Variants in DYNC2H1 observed in about 807,000 individuals in gnomAD.
DYNC2H1 encodes dynein cytoplasmic 2 heavy chain 1.
In DYNC2H1, 410 loss-of-function variants were observed where a neutral mutation model predicts 570.0. That is an observed-to-expected ratio of 0.72 (90% CI 0.66 to 0.78). DYNC2H1 has a LOEUF of 0.78. Ranked by LOEUF, DYNC2H1 falls within the 30% of genes least tolerant of loss-of-function variation. The pLI is 0.00. For missense variants in DYNC2H1, 4,865 were observed against 5,046.4 expected (o/e 0.96, Z 1.09); for synonymous variants, 1,688 against 1,677.6 (o/e 1.01, Z -0.15).
rs781599412 is a variant in DYNC2H1, at chr11:103,236,411, A to AAT, written c.9710-16_9710-15dup. 1 of 1,342,004 alleles carries AAT rather than the reference A, an allele frequency of 7.5e-7. No individual in the cohort carries two copies. Among genetic ancestry groups the AAT allele is most frequent in the Non-Finnish European group, 1.1e-6 (1 of 932,790 alleles). The allele number at this position is 1,342,004 out of a possible 1,614,324, so 83.1% of individuals were successfully genotyped here. On this transcript the variant is annotated intron_variant, in intron 62 of 88. Coordinates refer to ENST00000375735, the MANE Select transcript of DYNC2H1 (RefSeq NM_001377.3). ...TACAAGATCGTTGTGAAGTATTATC[A>AAT]ATATCTTCAACTTTTCAGAATTTGA...
Position 103,479,161 on chromosome 11 carries a change from G to T in DYNC2H1, c.12832G>T (p.Asp4278Tyr). The T allele has an allele frequency of 6.2e-7, 1 of 1,613,814 alleles. No individual in the cohort carries two copies. Residue 4278 changes from aspartate to tyrosine, a missense_variant, in exon 89 of 89, where the codon GAT (aspartate) becomes TAT (tyrosine). Physicochemically the swap from Asp to Tyr is radical, Grantham distance 160. Around this residue, in one of 5 missense-constraint regions of DYNC2H1, gnomAD observed 2,401 missense variants for 2,454.6 expected, o/e 0.98. Coordinates refer to ENST00000375735, the MANE Select transcript of DYNC2H1 (RefSeq NM_001377.3). ...GCCTGTTTACACAAGTGCTGAAAGG[G>T]ATCGTGTGGTTACCAATATTGATGT... is the stretch of plus-strand genomic sequence containing the variant. ...SLPVYTSAER[D>Y]RVVTNIDVPC...
intron 84 of DYNC2H1, among the ~76,000 whole-genome samples, chr11:103,429,942 C>G (rs568803199): frequency 2.6e-5 from 4 of 152,146 alleles, no homozygotes; most frequent in Admixed American, 6.6e-5. Flanking sequence ...CTCCCTGTTT[C>G]AGGCACTGTG....
At chr11:103,323,104 T>G (rs1272594360) in intron 81 of DYNC2H1, among the ~76,000 whole-genome samples, 1 of 152,168 alleles carries the variant, frequency 6.6e-6, no homozygotes, top group Non-Finnish European at 1.5e-5. Context: ...CATGCCTACT[T>G]CAGCAAACAC....
intron 85 of DYNC2H1, among the ~76,000 whole-genome samples, chr11:103,449,460 T>A (rs1403161787): frequency 6.6e-6 from 1 of 152,058 alleles, no homozygotes; most frequent in Admixed American, 6.5e-5. Context: ...ATGTATTAAT[T>A]GTATTTAACT....
rs960529151 is a variant in DYNC2H1, at chr11:103,245,966, T to C, written c.10042+592T>C. ...CGTGAATGTATGCCACATACGTTGC[T>C]AGCACAGCAAACTTTAAATAGAAAA... On this transcript the variant is annotated intron_variant, in intron 65 of 88. Transcript: ENST00000375735. This position sits in a 1 kb window ranked among gnomAD's most constrained non-coding sequence, Gnocchi z 4.5. Among the ~76,000 whole-genome samples, 2 of 152,112 alleles carry C rather than the reference T, an allele frequency of 1.3e-5. No individual in the cohort carries two copies. The highest frequency in any genetic ancestry group is 4.8e-5 in the African/African-American group (2 of 41,428).
chr11:103,355,442 A>G (rs1186690012), intron 82 of DYNC2H1, among the ~76,000 whole-genome samples: 1 of 152,206 alleles, frequency 6.6e-6, no homozygotes, highest in Admixed American at 6.5e-5. Context: ...CTAAGGAAAC[A>G]GTTTATGCCA....
chr11:103,199,028 T>G lies in DYNC2H1; in HGVS notation c.7840-200T>G, dbSNP rs1289925635. ...CACGGACCCTTGAACTTGTTTGACA[T>G]GAGTTTTTCCTTAGAGAATGCCAAT... is the stretch of plus-strand genomic sequence containing the variant. On this transcript the variant is annotated intron_variant, in intron 48 of 88. Coordinates refer to ENST00000375735, the MANE Select transcript of DYNC2H1 (RefSeq NM_001377.3). This position sits in a 1 kb window ranked among gnomAD's most constrained non-coding sequence, Gnocchi z 4.6. Among the ~76,000 whole-genome samples, 1 of 152,170 alleles carries G rather than the reference T, an allele frequency of 6.6e-6. No individual in the cohort carries two copies. Among genetic ancestry groups the G allele is most frequent in the African/African-American group, 2.4e-5 (1 of 41,446 alleles).
At position 103,157,205 on chromosome 11, in the gene DYNC2H1, T is replaced by C. The variant is rs541067671; in HGVS notation, c.4127+435T>C. Among the ~76,000 whole-genome samples, 1 of 152,350 alleles carries C rather than the reference T, an allele frequency of 6.6e-6. No homozygotes were observed. The highest frequency in any genetic ancestry group is 1.9e-4 in the East Asian group (1 of 5,184). ...ACATAGTTCCTAGTCCTTAGCTGTC[T>C]CCAAATCTTTAGATGTAGTCATTCT... On this transcript the variant is annotated intron_variant, in intron 26 of 88. Transcript: ENST00000375735. The surrounding 1 kb of genome is among the most constrained non-coding windows in gnomAD (Gnocchi z 4.2).
At chr11:103,153,156 T>C (rs1270847452) in intron 21 of DYNC2H1, 147 bp from the exon 22 acceptor site, 6 of 628,512 alleles carry the variant, frequency 9.5e-6, no homozygotes, top group Non-Finnish European at 7.8e-6. Context: ...TTGGAATTAA[T>C]AATTAAAATA....
rs1442428723 is a variant in DYNC2H1, at chr11:103,239,800, T to G, written c.9819+3261T>G. On this transcript the variant is annotated intron_variant, in intron 63 of 88. Coordinates refer to ENST00000375735, the MANE Select transcript of DYNC2H1 (RefSeq NM_001377.3). This position sits in a 1 kb window ranked among gnomAD's most constrained non-coding sequence, Gnocchi z 4.3. ...CATTTATAAGTATTGAAAATAGACA[T>G]AACATTATAGGGTGTACTAGGTGTT... Among the ~76,000 whole-genome samples, 2 of 152,178 alleles carry G rather than the reference T, an allele frequency of 1.3e-5. No homozygotes were observed. The highest frequency in any genetic ancestry group is 2.9e-5 in the Non-Finnish European group (2 of 68,014).
rs1266806876 is a variant in DYNC2H1, at chr11:103,201,076, C to T, written c.8197+922C>T. Among the ~76,000 whole-genome samples the T allele has an allele frequency of 6.6e-6, 1 of 152,144 alleles. No homozygotes were observed. Among genetic ancestry groups the T allele is most frequent in the Non-Finnish European group, 1.5e-5 (1 of 68,028 alleles). The stretch of plus-strand genomic sequence containing the variant: ...TCCTGACTTCAGGTGATCCTCCCGC[C>T]TTGGCCTCCCAAAGTGCTGGGATTA... On this transcript the variant is annotated intron_variant, in intron 50 of 88. Transcript: ENST00000375735. This position sits in a 1 kb window ranked among gnomAD's most constrained non-coding sequence, Gnocchi z 4.8.
At chr11:103,441,485 A>C (rs77937517) in intron 85 of DYNC2H1, among the ~76,000 whole-genome samples, 6,096 of 152,150 alleles carry the variant, frequency 0.04, 185 homozygotes, top group Middle Eastern at 0.082. Flanking sequence ...TGCCACTAAA[A>C]AGAAAGCTTC....
At chr11:103,175,806 G>A (rs1030350363) in intron 36 of DYNC2H1, among the ~76,000 whole-genome samples, 9 of 152,104 alleles carry the variant, frequency 5.9e-5, no homozygotes, top group African/African-American at 1.9e-4. Flanking sequence ...TAATATTGCT[G>A]TGCCTTTTCT....
In DYNC2H1 at chr11:103,170,954, T is replaced by G. The variant is rs1260427507; in HGVS notation, c.5220T>G (p.Phe1740Leu). 1 of 1,608,116 alleles carries G rather than the reference T, an allele frequency of 6.2e-7. No homozygotes were observed. Among genetic ancestry groups the G allele is most frequent in the Non-Finnish European group, 8.5e-7 (1 of 1,176,292 alleles). The change falls in exon 34 of 89, where the codon TTT (phenylalanine) becomes TTG (leucine). Residue 1740 changes from phenylalanine (F) to leucine (L), a missense_variant. By Grantham distance (22) the Phe-to-Leu change is conservative (BLOSUM62 0). Transcript: ENST00000375735. This position sits in a 1 kb window ranked among gnomAD's most constrained non-coding sequence, Gnocchi z 4.8. The stretch of plus-strand genomic sequence containing the variant: ...TGAAGTGTGGGGCCTGGGGTTGTTT[T>G]GATGAATTTAATAGGCTGGAAGAAT... The part of the protein sequence containing the change: ...GLVKCGAWGC[F>L]DEFNRLEESV...
At chr11:103,236,809 T>C (rs1190904766) in intron 63 of DYNC2H1, among the ~76,000 whole-genome samples, 2 of 151,884 alleles carry the variant, frequency 1.3e-5, no homozygotes, top group African/African-American at 2.4e-5. Flanking sequence ...ATAGAAATAT[T>C]TTAGGGATAC....
chr11:103,408,356 G>A (rs1942951859), intron 84 of DYNC2H1: 1 of 151,978 alleles, frequency 6.6e-6, no homozygotes. Context: ...TAATAAATAG[G>A]AGGTGGTTAA....
intron 84 of DYNC2H1, chr11:103,407,917 T>G (rs1942928573): frequency 6.6e-6 from 1 of 151,952 alleles, no homozygotes; most frequent in Non-Finnish European, 1.5e-5. Flanking sequence ...GAGCCACTTA[T>G]CAGAACTGAT....
rs756002632 is a variant in DYNC2H1, at chr11:103,156,502, C to T, written c.3859C>T (p.Arg1287Ter). ...AATTGATTATGAAGACAGCCAAAGTCGAACTATGAAGCTGATTAAAGACTG... is the reference window on the plus strand; with the variant it reads ...AATTGATTATGAAGACAGCCAAAGTTGAACTATGAAGCTGATTAAAGACTG... ...TLIDYEDSQS[R>*]TMKLIKDWKD... The change falls in exon 26 of 89, where the codon CGA becomes TGA. Residue 1287 changes from arginine to a stop codon, truncating the protein, a stop_gained. Transcript: ENST00000375735. LOFTEE classifies it high-confidence loss of function. 7 of 1,613,400 alleles carry T rather than the reference C, an allele frequency of 4.3e-6. No homozygotes were observed. The highest frequency in any genetic ancestry group is 2.2e-5 in the South Asian group (2 of 91,058).
chr11:103,253,431 A>G lies in DYNC2H1; in HGVS notation c.10189A>G (p.Ser3397Gly). Residue 3397 changes from serine (S) to glycine (G), a missense_variant, in exon 66 of 89, where the codon AGT (serine) becomes GGT (glycine). This residue lies in a region of DYNC2H1 where 2,401 missense variants were observed against 2,454.6 expected (regional missense o/e 0.98). Transcript: ENST00000375735. ...TGAGGTTAACTTTACTACAACAAGA[A>G]GTGGATTACGAGGGCAGGTATACAT... is the stretch of plus-strand genomic sequence containing the variant. The part of the protein sequence containing the change: ...VTEVNFTTTR[S>G]GLRGQLLALT... 6.2e-7 allele frequency: 1 copy of G among 1,612,928 alleles called. No individual in the cohort carries two copies. The highest frequency in any genetic ancestry group is 1.7e-4 in the Middle Eastern group (1 of 6,056).
Sources: gnomAD v4.1 joint callset for allele counts (sites outside exome capture counted in the v4.1 genomes callset) on GRCh38, gnomAD v4.1.1 for gene constraint, gnomAD v4.1.1 regional missense constraint, Gnocchi (gnomAD v3.1) non-coding constraint, MANE v1.5 for transcripts, NCBI Gene and HGNC (gene_info 2026-07-23, HGNC 2026-07-21) for gene names.